Variants in TCF12 observed in about 807,000 individuals in gnomAD.
TCF12 encodes transcription factor 12.
TCF12 carries 45 observed loss-of-function variants against 86.0 expected under a neutral mutation model. The ratio of observed to expected loss-of-function variants is 0.52; its 90% CI spans 0.41 to 0.67. The LOEUF (loss-of-function observed/expected upper bound fraction) is 0.67, where lower values mean the gene tolerates loss of function less well. TCF12 is among the 30% of genes least tolerant of loss of function. TCF12 has a pLI of 0.00. For missense variants in TCF12, 881 were observed against 859.9 expected (o/e 1.02, Z -0.31); for synonymous variants, 330 against 299.6 (o/e 1.10, Z -1.05).
rs554558388 is a variant in TCF12 at position 57,031,163 on chromosome 15, A to C, written c.149-32587A>C. Among the ~76,000 whole-genome samples, 5 of 152,294 alleles carry C rather than the reference A, an allele frequency of 3.3e-5. No homozygotes were observed. The South Asian group carries it at 8.3e-4, about 25-fold the overall frequency. On this transcript the variant is annotated intron_variant, in intron 3 of 20. Transcript: ENST00000333725. Reference sequence around the variant, plus strand: ...TTAGAAATCAGATGCTGCTCTCTCTATATTTTTCTGCCTCTTACCTTTATT... The same window carrying C: ...TTAGAAATCAGATGCTGCTCTCTCTCTATTTTTCTGCCTCTTACCTTTATT...
intron 19 of TCF12, among the ~76,000 whole-genome samples, chr15:57,273,800 T>C (rs2061256856): frequency 1.3e-5 from 2 of 152,164 alleles, no homozygotes; most frequent in Non-Finnish European, 2.9e-5. Flanking sequence ...CAAGAACTTT[T>C]TGGGCTAACA....
At chr15:57,029,466 T>C (rs2066017050) in intron 3 of TCF12, among the ~76,000 whole-genome samples, 1 of 152,238 alleles carries the variant, frequency 6.6e-6, no homozygotes, top group African/African-American at 2.4e-5. Flanking sequence ...AGAATTTTGA[T>C]TGGAATTACA....
At chr15:56,944,127 G>A (rs8035485) in intron 3 of TCF12, among the ~76,000 whole-genome samples, 50,393 of 151,904 alleles carry the variant, frequency 0.33, 9,914 homozygotes, top group African/African-American at 0.53. Flanking sequence ...TATTTAATGT[G>A]TTCAAAACAG....
In TCF12 at chr15:57,063,742, CT is replaced by C; in HGVS notation, c.149-3del. 1 of 1,595,982 alleles carries C rather than the reference CT, an allele frequency of 6.3e-7. No individual in the cohort carries two copies. The highest frequency in any genetic ancestry group is 8.6e-7 in the Non-Finnish European group (1 of 1,166,430). ...TTAGATATATCTTTTATTTTCTTCT[CT>C]TTTTAGGTATTGATGAAAGAGGAGG... On this transcript the variant is annotated splice_polypyrimidine_tract_variant and splice_region_variant and intron_variant, in intron 3 of 20. Transcript: ENST00000333725.
intron 2 of TCF12, among the ~76,000 whole-genome samples, chr15:56,920,483 C>G (rs1195214148): frequency 2.8e-5 from 1 of 35,174 alleles, no homozygotes; most frequent in African/African-American, 8.1e-5. Flanking sequence ...TATACACACA[C>G]ACACGTGTGT....
At chr15:57,039,423 A>G (rs1240649574) in intron 3 of TCF12, among the ~76,000 whole-genome samples, 1 of 152,174 alleles carries the variant, frequency 6.6e-6, no homozygotes. Flanking sequence ...TTGTATACCC[A>G]GGTATTTAAC....
At chr15:57,238,386 G>C (rs1384754925) in intron 12 of TCF12, among the ~76,000 whole-genome samples, 2 of 152,132 alleles carry the variant, frequency 1.3e-5, no homozygotes, top group Admixed American at 6.6e-5. Context: ...AGAGTTTTCA[G>C]GGAAAATCGG....
At chr15:57,251,907 A>C (rs1446541344) in intron 14 of TCF12, among the ~76,000 whole-genome samples, 4 of 151,962 alleles carry the variant, frequency 2.6e-5, no homozygotes, top group African/African-American at 9.7e-5. Flanking sequence ...TTTCTTATGG[A>C]AAAAAAAGTA....
At chr15:56,960,911 G>A in intron 3 of TCF12, among the ~76,000 whole-genome samples, 1 of 151,898 alleles carries the variant, frequency 6.6e-6, no homozygotes, top group Non-Finnish European at 1.5e-5. Context: ...AGGCTGAGGT[G>A]GGTGGATCAC....
At chr15:57,076,420 G>A (rs2070045103) in intron 4 of TCF12, among the ~76,000 whole-genome samples, 1 of 152,082 alleles carries the variant, frequency 6.6e-6, no homozygotes, top group South Asian at 2.1e-4. Flanking sequence ...CACTTTGGGA[G>A]ACTGAGGCGG....
At chr15:57,240,055 G>T (rs1409260025) in intron 12 of TCF12, among the ~76,000 whole-genome samples, 3 of 152,170 alleles carry the variant, frequency 2.0e-5, no homozygotes, top group African/African-American at 7.2e-5. Context: ...CCTACATTAA[G>T]GGAAATGGAA....
At chr15:56,919,848 T>C (rs1417642846) in intron 1 of TCF12, 44 bp from the exon 2 acceptor site, 1 of 1,562,766 alleles carries the variant, frequency 6.4e-7, no homozygotes, top group Non-Finnish European at 8.8e-7. Context: ...TCACACACTT[T>C]GGGCCTCGGT....
chr15:57,263,926 T>A (rs1255885584), intron 18 of TCF12, among the ~76,000 whole-genome samples: 2 of 152,102 alleles, frequency 1.3e-5, no homozygotes, highest in African/African-American at 4.8e-5. Context: ...TTGCTCTGGG[T>A]GATTCAATGA....
At chr15:56,985,189 G>A (rs904195033) in intron 3 of TCF12, among the ~76,000 whole-genome samples, 5 of 152,132 alleles carry the variant, frequency 3.3e-5, no homozygotes, top group African/African-American at 1.2e-4. Context: ...CTCCAATCCC[G>A]TGTTCTTTGC....
intron 3 of TCF12, among the ~76,000 whole-genome samples, chr15:56,944,408 G>T (rs1274487203): frequency 2.0e-5 from 3 of 152,134 alleles, no homozygotes; most frequent in African/African-American, 7.2e-5. Context: ...ATAAATAATT[G>T]TGGGTTAGAT....
chr15:57,270,814 A>G (rs1227300371), intron 18 of TCF12, among the ~76,000 whole-genome samples: 1 of 151,774 alleles, frequency 6.6e-6, no homozygotes, highest in Non-Finnish European at 1.5e-5. Flanking sequence ...CTTCTAACAG[A>G]CCGGCCCCTC....
intron 3 of TCF12, among the ~76,000 whole-genome samples, chr15:57,024,785 C>A (rs1436235562): frequency 1.3e-5 from 2 of 152,134 alleles, no homozygotes; most frequent in Non-Finnish European, 2.9e-5. Flanking sequence ...ACATTAGCTC[C>A]ACATATAAAA....
chr15:57,051,223 T>G (rs576510708), intron 3 of TCF12, among the ~76,000 whole-genome samples: 2 of 152,354 alleles, frequency 1.3e-5, no homozygotes, highest in Non-Finnish European at 2.9e-5. Flanking sequence ...CAAGCCTTTC[T>G]AGTTAGTCTC....
intron 6 of TCF12, among the ~76,000 whole-genome samples, chr15:57,187,174 C>G (rs1455378052): frequency 1.4e-4 from 1 of 7,140 alleles, no homozygotes; most frequent in Non-Finnish European, 3.3e-4. Flanking sequence ...AAGACTGTCT[C>G]CAAAAAAAAA....
Sources: allele counts gnomAD v4.1 joint callset (sites outside exome capture counted in the v4.1 genomes callset), GRCh38; gene constraint gnomAD v4.1.1; transcripts MANE v1.5; gene names NCBI Gene and HGNC (gene_info 2026-07-23, HGNC 2026-07-21).